NAV2: variants seen among roughly 807,000 people sequenced by gnomAD.
NAV2 encodes the protein helicase, APC down-regulated 1.
A neutral mutation model predicts 223.2 loss-of-function variants in NAV2; 54 were observed. That is an observed-to-expected ratio of 0.24 (90% confidence interval 0.19 to 0.30). NAV2 has a LOEUF of 0.30. Among genes scored for constraint, NAV2 ranks in the 10% least tolerant of loss-of-function variants. NAV2 has a pLI of 1.00. For missense variants in NAV2, 2,806 were observed against 3,147.5 expected, an observed-to-expected ratio of 0.89 and a Z score of 2.60; for synonymous variants, 1,279 against 1,239.3, an observed-to-expected ratio of 1.03 and a Z score of -0.67.
chr11:19,884,780 GTGT>G (rs66462782), intron 5 of NAV2, among the ~76,000 whole-genome samples: 78,088 of 150,886 alleles, frequency 0.52, 20,859 homozygotes, highest in Non-Finnish European at 0.58. Context: ...CTTGTGCTTT[GTGT>G]TGTTGTTGTT....
At chr11:19,854,137 A>G (rs2061295235) in intron 3 of NAV2, among the ~76,000 whole-genome samples, 1 of 152,236 alleles carries the variant, frequency 6.6e-6, no homozygotes, top group Non-Finnish European at 1.5e-5. Context: ...TCTGGGCCTC[A>G]TGCTTGGATC....
chr11:20,036,096 A>G lies in NAV2; in HGVS notation c.2906A>G (p.Gln969Arg), dbSNP rs763926541. 6.2e-7 allele frequency: 1 copy of G among 1,614,202 alleles called. No individual in the cohort carries two copies. Among genetic ancestry groups the G allele is most frequent in the Non-Finnish European group, 8.5e-7 (1 of 1,180,026 alleles). Residue 969 changes from glutamine to arginine, a missense_variant and splice_region_variant, in exon 12 of 38, where the codon CAG becomes CGG. This residue lies in a region of NAV2 where 73 missense variants were observed against 119.7 expected (regional missense o/e 0.61). Transcript: ENST00000349880. ...TCCTCTCGAAAAAACCTGGATGTGC[A>G]GGTGAGGAACACAGGCCCTCCCAGG... Reference protein sequence around the residue: ...PASSRKNLDVQTDAEKHSQVE... With the variant: ...PASSRKNLDVRTDAEKHSQVE...
In NAV2 at chr11:19,987,063, C is replaced by G. The variant is rs116639104; in HGVS notation, c.2768+2816C>G. Among the ~76,000 whole-genome samples the G allele has an allele frequency of 5.0e-3, 765 of 152,222 alleles. 11 individuals carry two copies. The highest frequency in any genetic ancestry group is 0.018 in the African/African-American group (727 of 41,530). On this transcript the variant is annotated intron_variant, in intron 11 of 37. Coordinates refer to ENST00000349880, the MANE Select transcript of NAV2 (RefSeq NM_145117.5). ...TTAATATTTTTTTAAAAACTTACAA[C>G]TAGCACATCAAACCTGTGATTTTAC... is the stretch of plus-strand genomic sequence containing the variant.
chr11:19,377,983 G>A (rs186185758), intron 1 of NAV2, among the ~76,000 whole-genome samples: 94 of 152,234 alleles, frequency 6.2e-4, no homozygotes, highest in African/African-American at 2.2e-3. Flanking sequence ...ATAGATTAAG[G>A]AGGTGAGGCT....
At chr11:19,822,899 C>T (rs1670000950) in intron 1 of NAV2, among the ~76,000 whole-genome samples, 1 of 152,160 alleles carries the variant, frequency 6.6e-6, no homozygotes, top group South Asian at 2.1e-4. Context: ...GGAGTCTTAC[C>T]TGGCTCAAGA....
chr11:19,889,798 G>C (rs2041340508), intron 5 of NAV2, among the ~76,000 whole-genome samples: 1 of 152,186 alleles, frequency 6.6e-6, no homozygotes, highest in African/African-American at 2.4e-5. Flanking sequence ...ATCTCAGTCA[G>C]CCACAGATAC....
At chr11:19,706,953 A>C (rs935755080) in intron 1 of NAV2, among the ~76,000 whole-genome samples, 12 of 152,218 alleles carry the variant, frequency 7.9e-5, no homozygotes, top group African/African-American at 2.9e-4. Context: ...ATGTTGATGT[A>C]CTGATTACCA....
chr11:19,670,189 C>T (rs577872145), intron 1 of NAV2, among the ~76,000 whole-genome samples: 1 of 152,198 alleles, frequency 6.6e-6, no homozygotes, highest in Non-Finnish European at 1.5e-5. Flanking sequence ...TACTCCTTGC[C>T]ACTCACAGCA....
intron 6 of NAV2, among the ~76,000 whole-genome samples, chr11:19,895,885 C>A (rs1243276755): frequency 6.6e-6 from 1 of 152,066 alleles, no homozygotes; most frequent in Non-Finnish European, 1.5e-5. Flanking sequence ...AGTGAAATAA[C>A]CACCCGGGTA....
Position 19,713,624 on chromosome 11 carries a change from G to C in NAV2, c.-72G>C. On this transcript the variant is annotated 5_prime_UTR_variant, in exon 1 of 38. Coordinates refer to ENST00000349880, the MANE Select transcript of NAV2 (RefSeq NM_145117.5). This position sits in a 1 kb window ranked among gnomAD's most constrained non-coding sequence, Gnocchi z 7.2. The stretch of plus-strand genomic sequence containing the variant: ...AGGCCCGGCGCCTGCTCTGCTACCC[G>C]CGCTGCCTTTAGCGGTCGCCCCCGC... 2 of 1,477,026 alleles carry C rather than the reference G, an allele frequency of 1.4e-6. No individual in the cohort carries two copies. Among genetic ancestry groups the C allele is most frequent in the East Asian group, 4.8e-5 (2 of 41,300 alleles). 91.5% of individuals were successfully genotyped at this position (1,477,026 alleles called of 1,614,324 possible). A position where few individuals can be genotyped will look rare whatever the true frequency, so the allele number is the denominator to read the frequency against.
chr11:20,067,164 C>A (rs2059102412), intron 20 of NAV2, among the ~76,000 whole-genome samples: 2 of 152,100 alleles, frequency 1.3e-5, no homozygotes, highest in Admixed American at 1.3e-4. Context: ...TAATTGGGGT[C>A]CTTGAAATGG....
intron 1 of NAV2, among the ~76,000 whole-genome samples, chr11:19,374,217 T>G: frequency 6.6e-6 from 1 of 152,156 alleles, no homozygotes; most frequent in East Asian, 1.9e-4. Context: ...TCAATGAACT[T>G]GGCACCCATA....
At chr11:19,588,119 T>A (rs2045953665) in intron 1 of NAV2, among the ~76,000 whole-genome samples, 1 of 152,222 alleles carries the variant, frequency 6.6e-6, no homozygotes, top group South Asian at 2.1e-4. Context: ...CTTCCCTGAC[T>A]TGGGTCACCT....
At chr11:19,563,882 G>C (rs2045180632) in intron 1 of NAV2, among the ~76,000 whole-genome samples, 1 of 151,952 alleles carries the variant, frequency 6.6e-6, no homozygotes, top group African/African-American at 2.4e-5. Flanking sequence ...AGGTAAAGCA[G>C]GAAAAATGCT....
intron 1 of NAV2, among the ~76,000 whole-genome samples, chr11:19,774,432 C>T (rs559168420): frequency 6.6e-6 from 1 of 152,226 alleles, no homozygotes; most frequent in Non-Finnish European, 1.5e-5. Flanking sequence ...ACACCTTGGC[C>T]TCCCAAAGTG....
chr11:19,848,302 A>G (rs910557536), intron 3 of NAV2, among the ~76,000 whole-genome samples: 7 of 152,200 alleles, frequency 4.6e-5, no homozygotes, highest in African/African-American at 1.7e-4. Flanking sequence ...AAAAGCTGCT[A>G]TAAGTAGGGG....
intron 1 of NAV2, among the ~76,000 whole-genome samples, chr11:19,787,424 CA>C (rs2057215297): frequency 6.6e-6 from 1 of 151,806 alleles, no homozygotes; most frequent in African/African-American, 2.4e-5. Flanking sequence ...TAGAGTGCTG[CA>C]TTCTAAAGCA....
At chr11:19,655,661 T>C (rs1363141789) in intron 1 of NAV2, among the ~76,000 whole-genome samples, 4 of 148,064 alleles carry the variant, frequency 2.7e-5, no homozygotes, top group Non-Finnish European at 4.4e-5. Context: ...AAACACTGCA[T>C]TGTTCTCACT....
chr11:19,480,538 G>C (rs1234311121), intron 1 of NAV2, among the ~76,000 whole-genome samples: 1 of 152,144 alleles, frequency 6.6e-6, no homozygotes, highest in East Asian at 1.9e-4. Context: ...TTATTCAGTT[G>C]CCTGTTTACA....
Sources: gnomAD v4.1 joint callset for allele counts (sites outside exome capture counted in the v4.1 genomes callset) on GRCh38, gnomAD v4.1.1 for gene constraint, gnomAD v4.1.1 regional missense constraint, Gnocchi (gnomAD v3.1) non-coding constraint, MANE v1.5 for transcripts, NCBI Gene and HGNC (gene_info 2026-07-23, HGNC 2026-07-21) for gene names.